The following PRKN variants were observed in gnomAD, a reference collection of about 807,000 sequenced individuals.
PRKN encodes E3 ubiquitin-protein ligase parkin.
PRKN carries 56 observed loss-of-function variants against 59.5 expected under a neutral mutation model. The observed-to-expected ratio is 0.94, with a 90% CI of 0.76 to 1.18. PRKN has a LOEUF of 1.18. Ranked by LOEUF, PRKN falls within the 50% of genes most tolerant of loss-of-function variation. The pLI is 0.00. For synonymous variants in PRKN, 250 were observed against 222.1 expected, an observed-to-expected ratio of 1.13 and a Z score of -1.12; for missense variants, 657 against 596.4, an observed-to-expected ratio of 1.10 and a Z score of -1.06.
rs1779016217 is a variant in PRKN at position 161,526,374 on chromosome 6, T to C, written c.1083+22480A>G. Reference sequence around the variant, plus strand: ...ACTTGAGTATTGAATAATTGCTTCTTGCTTACTTTGAAAAGTACCTAAGCT... The same window carrying C: ...ACTTGAGTATTGAATAATTGCTTCTCGCTTACTTTGAAAAGTACCTAAGCT... On this transcript the variant is annotated intron_variant, in intron 9 of 11. Transcript: ENST00000366898. This position sits in a 1 kb window ranked among gnomAD's most constrained non-coding sequence, Gnocchi z 4.1. Among the ~76,000 whole-genome samples, 1 of 152,206 alleles carries C rather than the reference T, an allele frequency of 6.6e-6. No homozygotes were observed. The highest frequency in any genetic ancestry group is 2.1e-4 in the South Asian group (1 of 4,834).
intron 1 of PRKN, chr6:162,727,339 A>G: frequency 1.1e-5 from 4 of 378,746 alleles, no homozygotes; most frequent in East Asian, 4.9e-5. Context: ...GGCGGGGAGA[A>G]GGCTTCGGGA....
chr6:161,410,691 T>A lies in PRKN; in HGVS notation c.1084-23814A>T, dbSNP rs1345240491. On this transcript the variant is annotated intron_variant, in intron 9 of 11. Coordinates refer to ENST00000366898, the MANE Select transcript of PRKN (RefSeq NM_004562.3). The surrounding 1 kb of genome is among the most constrained non-coding windows in gnomAD (Gnocchi z 5.3). ...AACATGGAATGGAGGATGGGGAGGATGCAGGGAAGAGAATCGGGGTCACTG... is the reference window on the plus strand; with the variant it reads ...AACATGGAATGGAGGATGGGGAGGAAGCAGGGAAGAGAATCGGGGTCACTG... 6.6e-6 allele frequency among the ~76,000 whole-genome samples: 1 copy of A among 151,968 alleles called. No individual in the cohort carries two copies. Among genetic ancestry groups the A allele is most frequent in the Non-Finnish European group, 1.5e-5 (1 of 67,990 alleles).
intron 2 of PRKN, among the ~76,000 whole-genome samples, chr6:162,302,229 C>T (rs1781993191): frequency 6.6e-6 from 1 of 152,114 alleles, no homozygotes; most frequent in Admixed American, 6.5e-5. Context: ...CATCTACCAC[C>T]TTGGACCCAA....
chr6:161,532,846 A>G (rs1779275007), intron 9 of PRKN, among the ~76,000 whole-genome samples: 1 of 152,168 alleles, frequency 6.6e-6, no homozygotes, highest in African/African-American at 2.4e-5. Flanking sequence ...CACTTCTCAA[A>G]TACTGGTAGA....
At chr6:161,909,098 A>G (rs1778258409) in intron 6 of PRKN, among the ~76,000 whole-genome samples, 1 of 152,230 alleles carries the variant, frequency 6.6e-6, no homozygotes, top group South Asian at 2.1e-4. Flanking sequence ...TTCTTTCTTT[A>G]TAAAATACAT....
chr6:161,508,930 T>A (rs1219953000), intron 9 of PRKN, among the ~76,000 whole-genome samples: 1 of 152,074 alleles, frequency 6.6e-6, no homozygotes, highest in Non-Finnish European at 1.5e-5. Flanking sequence ...CCACAACCTC[T>A]GCCTCCCAGG....
intron 7 of PRKN, among the ~76,000 whole-genome samples, chr6:161,683,083 A>G (rs766064258): frequency 7.9e-5 from 12 of 152,220 alleles, no homozygotes; most frequent in Non-Finnish European, 1.5e-4. Flanking sequence ...GGCACGACCT[A>G]CGTGCCCTTT....
At chr6:162,394,491 C>T (rs1199426876) in intron 2 of PRKN, among the ~76,000 whole-genome samples, 1 of 152,160 alleles carries the variant, frequency 6.6e-6, no homozygotes. Context: ...TGTGTGGCTG[C>T]AGGCTATGAA....
At chr6:161,381,408 T>C (rs1562408560) in intron 10 of PRKN, among the ~76,000 whole-genome samples, 1 of 152,210 alleles carries the variant, frequency 6.6e-6, no homozygotes, top group Admixed American at 6.5e-5. Flanking sequence ...CCCTTGCCTA[T>C]GGACAAAATC....
rs1166526420 is a variant in PRKN, at chr6:161,419,971, G to A, written c.1084-33094C>T. Reference sequence around the variant, plus strand: ...GAACTTGATAAGGCTGGGCGTGGTGGCTCACGCCTGTAATCCCAGCACTTT... The same window carrying A: ...GAACTTGATAAGGCTGGGCGTGGTGACTCACGCCTGTAATCCCAGCACTTT... On this transcript the variant is annotated intron_variant, in intron 9 of 11. Coordinates refer to ENST00000366898, the MANE Select transcript of PRKN (RefSeq NM_004562.3). The surrounding 1 kb of genome is among the most constrained non-coding windows in gnomAD (Gnocchi z 4.1). Among the ~76,000 whole-genome samples the A allele has an allele frequency of 6.6e-6, 1 of 151,894 alleles. No homozygotes were observed. Among genetic ancestry groups the A allele is most frequent in the Non-Finnish European group, 1.5e-5 (1 of 67,976 alleles).
intron 1 of PRKN, among the ~76,000 whole-genome samples, chr6:162,502,978 T>C (rs1793437567): frequency 6.6e-6 from 1 of 151,876 alleles, no homozygotes; most frequent in Non-Finnish European, 1.5e-5. Flanking sequence ...AATAGTTTCG[T>C]ATATTATCTT....
At chr6:162,613,539 A>T (rs1013341414) in intron 1 of PRKN, among the ~76,000 whole-genome samples, 2 of 152,206 alleles carry the variant, frequency 1.3e-5, no homozygotes, top group African/African-American at 4.8e-5. Flanking sequence ...GTAGAGTATA[A>T]CCAAGACAGC....
chr6:161,490,444 G>A (rs1244010576), intron 9 of PRKN, among the ~76,000 whole-genome samples: 1 of 138,172 alleles, frequency 7.2e-6, no homozygotes, highest in Non-Finnish European at 1.5e-5. Context: ...GAGTGCAGTG[G>A]CATGATCTCA....
intron 7 of PRKN, among the ~76,000 whole-genome samples, chr6:161,716,879 G>A (rs1562628992): frequency 6.6e-6 from 1 of 152,150 alleles, no homozygotes; most frequent in African/African-American, 2.4e-5. Context: ...TAAGCAACAG[G>A]GAACCACTTG....
intron 4 of PRKN, among the ~76,000 whole-genome samples, chr6:162,147,941 T>TC (rs1782098983): frequency 6.6e-6 from 1 of 152,136 alleles, no homozygotes; most frequent in Admixed American, 6.5e-5. Context: ...TAAAAGAGAA[T>TC]TCCAAGGAGA....
intron 4 of PRKN, among the ~76,000 whole-genome samples, chr6:162,189,936 T>A (rs1784201602): frequency 6.6e-6 from 1 of 152,116 alleles, no homozygotes; most frequent in Non-Finnish European, 1.5e-5. Flanking sequence ...AGTGTACGCT[T>A]ATTAGCATGG....
rs560566127 is a variant in PRKN at position 161,760,405 on chromosome 6, A to G, written c.871+25367T>C. Among the ~76,000 whole-genome samples, 6 of 151,472 alleles carry G rather than the reference A, an allele frequency of 4.0e-5. No individual in the cohort carries two copies. In the South Asian group the frequency reaches 1.0e-3, roughly 26 times the overall value. On this transcript the variant is annotated intron_variant, in intron 7 of 11. Transcript: ENST00000366898. ...AAAACAACACCTTTAAAGATGGAAA[A>G]GACCCTTTTTTTCAAGCCTCAATTT...
At chr6:161,679,226 C>T (rs1386777455) in intron 7 of PRKN, among the ~76,000 whole-genome samples, 1 of 152,162 alleles carries the variant, frequency 6.6e-6, no homozygotes, top group Non-Finnish European at 1.5e-5. Flanking sequence ...GTAGCTACTG[C>T]AGCTTCGGTG....
chr6:161,370,404 C>T (rs536580909), intron 10 of PRKN, among the ~76,000 whole-genome samples: 15 of 145,256 alleles, frequency 1.0e-4, no homozygotes, highest in Admixed American at 8.2e-4. Flanking sequence ...CACGATGAAA[C>T]CCCATCTCTA....
Sources: allele counts gnomAD v4.1 joint callset (sites outside exome capture counted in the v4.1 genomes callset), GRCh38; gene constraint gnomAD v4.1.1; non-coding constraint Gnocchi (gnomAD v3.1); transcripts MANE v1.5; gene names NCBI Gene and HGNC (gene_info 2026-07-23, HGNC 2026-07-21).